Variants in LRRC4C observed in about 807,000 individuals in gnomAD.
The protein encoded by LRRC4C is leucine rich repeat containing 4C, also known as leucine-rich repeat-containing protein 4C.
Under a neutral mutation model 33.6 loss-of-function variants are expected in LRRC4C, and 5 were observed. That is an observed-to-expected ratio of 0.15 (90% CI 0.08 to 0.31). The LOEUF is 0.31. Among genes scored for constraint, LRRC4C ranks in the 10% least tolerant of loss-of-function variants. The probability of loss-of-function intolerance (pLI) is 1.00; values close to 1 mark genes in which losing one functional copy is unlikely to be tolerated. For missense variants in LRRC4C, 560 were observed against 796.7 expected (o/e 0.70, Z 3.58); for synonymous variants, 329 against 302.0 (o/e 1.09, Z -0.93).
intron 4 of LRRC4C, among the ~76,000 whole-genome samples, chr11:40,260,217 T>G (rs865775071): frequency 8.2e-6 from 1 of 122,440 alleles, no homozygotes; most frequent in African/African-American, 3.1e-5. Flanking sequence ...TGGAATACTA[T>G]GCAGCCATAA....
At chr11:40,510,929 T>C (rs761172697) in intron 3 of LRRC4C, among the ~76,000 whole-genome samples, 10 of 152,138 alleles carry the variant, frequency 6.6e-5, no homozygotes, top group Non-Finnish European at 1.0e-4. Flanking sequence ...ACTTGCTAGA[T>C]TTTGAAGGAA....
At chr11:41,142,557 C>A (rs941471088) in intron 1 of LRRC4C, among the ~76,000 whole-genome samples, 1 of 152,072 alleles carries the variant, frequency 6.6e-6, no homozygotes, top group Admixed American at 6.6e-5. Flanking sequence ...TTTGCTAGAA[C>A]GGGACAGAGA....
At chr11:41,090,085 T>C (rs1033683675) in intron 1 of LRRC4C, among the ~76,000 whole-genome samples, 1 of 152,066 alleles carries the variant, frequency 6.6e-6, no homozygotes, top group Non-Finnish European at 1.5e-5. Context: ...GGGAAAGGAA[T>C]AGTATTGAGT....
At chr11:41,104,062 A>T (rs939483270) in intron 1 of LRRC4C, among the ~76,000 whole-genome samples, 1 of 151,988 alleles carries the variant, frequency 6.6e-6, no homozygotes, top group Non-Finnish European at 1.5e-5. Context: ...AATATTTCTT[A>T]GATACAACAC....
At chr11:40,886,717 T>G (rs1955476333) in intron 2 of LRRC4C, among the ~76,000 whole-genome samples, 1 of 151,894 alleles carries the variant, frequency 6.6e-6, no homozygotes. Context: ...AAAGTCAAGA[T>G]ATTCAAGCAC....
intron 1 of LRRC4C, among the ~76,000 whole-genome samples, chr11:40,942,179 T>C (rs962957907): frequency 6.6e-6 from 1 of 152,088 alleles, no homozygotes; most frequent in African/African-American, 2.4e-5. Context: ...AGTTGCACAT[T>C]AGAGGAGTCC....
chr11:40,746,448 G>T (rs1948425874), intron 2 of LRRC4C, among the ~76,000 whole-genome samples: 1 of 152,188 alleles, frequency 6.6e-6, no homozygotes, highest in Admixed American at 6.5e-5. Flanking sequence ...AGGGGCTGAG[G>T]CTCTAGTGCC....
chr11:41,324,815 T>C (rs936273435), intron 1 of LRRC4C, among the ~76,000 whole-genome samples: 2 of 152,214 alleles, frequency 1.3e-5, no homozygotes, highest in Admixed American at 6.5e-5. Context: ...TATGAATGCA[T>C]CTTTTCTTGA....
At chr11:41,307,519 C>T (rs1421561993) in intron 1 of LRRC4C, among the ~76,000 whole-genome samples, 2 of 152,170 alleles carry the variant, frequency 1.3e-5, no homozygotes, top group Non-Finnish European at 2.9e-5. Context: ...TGAATGGGCC[C>T]TTACTTACAA....
intron 1 of LRRC4C, among the ~76,000 whole-genome samples, chr11:41,056,905 G>A (rs1442609094): frequency 6.6e-6 from 1 of 152,208 alleles, no homozygotes; most frequent in African/African-American, 2.4e-5. Flanking sequence ...CATGGAGCCA[G>A]CAGGAGTCAG....
At chr11:40,628,067 T>C (rs1864731997) in intron 3 of LRRC4C, among the ~76,000 whole-genome samples, 1 of 152,218 alleles carries the variant, frequency 6.6e-6, no homozygotes, top group Non-Finnish European at 1.5e-5. Flanking sequence ...ATATGTAAGA[T>C]TTTAAAATGG....
At chr11:40,673,273 A>G (rs2136285293) in intron 2 of LRRC4C, among the ~76,000 whole-genome samples, 1 of 152,268 alleles carries the variant, frequency 6.6e-6, no homozygotes, top group East Asian at 1.9e-4. Flanking sequence ...TCTCATGAGA[A>G]ATTACCTGCT....
chr11:40,336,804 A>G (rs913068842), intron 3 of LRRC4C, among the ~76,000 whole-genome samples: 37 of 151,938 alleles, frequency 2.4e-4, no homozygotes, highest in Non-Finnish European at 3.4e-4. Context: ...GTGAAACCCC[A>G]TCTCTACTGA....
At chr11:41,437,527 A>G (rs1955473176) in intron 1 of LRRC4C, among the ~76,000 whole-genome samples, 1 of 152,214 alleles carries the variant, frequency 6.6e-6, no homozygotes, top group South Asian at 2.1e-4. Context: ...ATGTCTTCAC[A>G]GAACCTTCAA....
At chr11:41,119,071 T>C (rs894785366) in intron 1 of LRRC4C, among the ~76,000 whole-genome samples, 4 of 151,746 alleles carry the variant, frequency 2.6e-5, no homozygotes, top group African/African-American at 9.6e-5. Context: ...CAATTCATTA[T>C]CATCCATGGC....
intron 1 of LRRC4C, among the ~76,000 whole-genome samples, chr11:41,409,785 GA>G (rs1954390062): frequency 6.6e-6 from 1 of 152,126 alleles, no homozygotes; most frequent in Non-Finnish European, 1.5e-5. Flanking sequence ...AATGAAAGCT[GA>G]TTTTGGTAGA....
intron 1 of LRRC4C, among the ~76,000 whole-genome samples, chr11:41,187,348 C>G (rs1021684955): frequency 1.4e-4 from 21 of 152,266 alleles, no homozygotes; most frequent in African/African-American, 4.8e-4. Context: ...CAGAAGAGGA[C>G]ACAAGTAACT....
intron 1 of LRRC4C, among the ~76,000 whole-genome samples, chr11:41,385,186 T>A (rs1953310150): frequency 2.0e-5 from 3 of 151,232 alleles, no homozygotes; most frequent in Admixed American, 2.0e-4. Flanking sequence ...CGACCCTCTG[T>A]CAGTAACTGA....
At chr11:40,678,738 T>G (rs1222940036) in intron 2 of LRRC4C, among the ~76,000 whole-genome samples, 1 of 152,116 alleles carries the variant, frequency 6.6e-6, no homozygotes, top group Non-Finnish European at 1.5e-5. Flanking sequence ...CTGCCAGGAT[T>G]GTTAGGCCCC....
Sources: gnomAD v4.1 joint callset for allele counts (sites outside exome capture counted in the v4.1 genomes callset) on GRCh38, gnomAD v4.1.1 for gene constraint, MANE v1.5 for transcripts, NCBI Gene and HGNC (gene_info 2026-07-23, HGNC 2026-07-21) for gene names.